HEMK2: variants seen among roughly 807,000 people sequenced by gnomAD.
HEMK2 encodes methyltransferase HEMK2.
the HEMK2 span, among the ~76,000 whole-genome samples, chr21:28,858,491 T>C: frequency 6.6e-6 from 1 of 151,818 alleles, no homozygotes; most frequent in African/African-American, 2.4e-5. Context: ...TGCTTATAGA[T>C]CACATTTTGA....
At chr21:28,661,595 G>A in the HEMK2 span, among the ~76,000 whole-genome samples, 1 of 151,866 alleles carries the variant, frequency 6.6e-6, no homozygotes, top group African/African-American at 2.4e-5. Flanking sequence ...CTTTTCTTGA[G>A]GAAGCTCATG....
the HEMK2 span, chr21:28,577,170 C>T: frequency 6.6e-6 from 1 of 152,212 alleles, no homozygotes. Flanking sequence ...GAAAATAAAG[C>T]TCACATATAT....
chr21:28,689,824 T>C, the HEMK2 span, among the ~76,000 whole-genome samples: 4 of 152,138 alleles, frequency 2.6e-5, no homozygotes, highest in Admixed American at 6.5e-5. Context: ...AGGAGAACTC[T>C]GAGAGATTCA....
the HEMK2 span, among the ~76,000 whole-genome samples, chr21:28,836,969 A>G: frequency 6.6e-6 from 1 of 152,226 alleles, no homozygotes; most frequent in African/African-American, 2.4e-5. Flanking sequence ...AAAATATCAC[A>G]ATCCTAAACC....
chr21:28,731,747 AAAGTAT>A, the HEMK2 span, among the ~76,000 whole-genome samples: 1 of 116,880 alleles, frequency 8.6e-6, no homozygotes, highest in Non-Finnish European at 1.6e-5. Context: ...CCTAAAACTT[AAAGTAT>A]AATAATAAAA....
At chr21:28,764,497 C>A in the HEMK2 span, among the ~76,000 whole-genome samples, 1 of 152,058 alleles carries the variant, frequency 6.6e-6, no homozygotes, top group South Asian at 2.1e-4. Flanking sequence ...TACAATGAAA[C>A]CTGTTTTACT....
At chr21:28,613,350 T>A in the HEMK2 span, among the ~76,000 whole-genome samples, 1 of 152,140 alleles carries the variant, frequency 6.6e-6, no homozygotes, top group African/African-American at 2.4e-5. Context: ...CCCTCCATAA[T>A]GTAACTGTGA....
the HEMK2 span, among the ~76,000 whole-genome samples, chr21:28,814,396 C>G: frequency 6.6e-6 from 1 of 151,642 alleles, no homozygotes; most frequent in Non-Finnish European, 1.5e-5. Context: ...TCTAATTAAA[C>G]TAAAGAGCTT....
the HEMK2 span, among the ~76,000 whole-genome samples, chr21:28,883,796 T>G: frequency 0.13 from 19,523 of 152,208 alleles, 1,371 homozygotes; most frequent in South Asian, 0.18. Context: ...CACAGCTCAC[T>G]GCTGCCTTTA....
the HEMK2 span, among the ~76,000 whole-genome samples, chr21:28,666,018 T>C: frequency 1.3e-5 from 2 of 152,262 alleles, no homozygotes; most frequent in Non-Finnish European, 2.9e-5. Flanking sequence ...CATTTTCTAA[T>C]ATTATTAATA....
the HEMK2 span, among the ~76,000 whole-genome samples, chr21:28,809,889 G>T: frequency 6.6e-6 from 1 of 152,182 alleles, no homozygotes; most frequent in Middle Eastern, 3.2e-3. Flanking sequence ...TTCAAGGAAT[G>T]AGTAGCAGTT....
the HEMK2 span, among the ~76,000 whole-genome samples, chr21:28,882,793 C>T: frequency 6.6e-6 from 1 of 152,164 alleles, no homozygotes; most frequent in East Asian, 1.9e-4. Context: ...TAAAATTATG[C>T]TGCTTCTACA....
At chr21:28,604,582 T>G in the HEMK2 span, among the ~76,000 whole-genome samples, 1 of 151,980 alleles carries the variant, frequency 6.6e-6, no homozygotes, top group Non-Finnish European at 1.5e-5. Flanking sequence ...TTATTCCACA[T>G]TGACCAGTAA....
At chr21:28,635,540 T>C in the HEMK2 span, among the ~76,000 whole-genome samples, 1 of 152,228 alleles carries the variant, frequency 6.6e-6, no homozygotes, top group African/African-American at 2.4e-5. Flanking sequence ...ATATACAAAC[T>C]ATAGAATATA....
At chr21:28,682,544 A>G in the HEMK2 span, among the ~76,000 whole-genome samples, 4 of 152,082 alleles carry the variant, frequency 2.6e-5, no homozygotes, top group Non-Finnish European at 1.5e-5. Context: ...CAGCCATCCC[A>G]TTACTGGGTA....
At chr21:28,722,625 T>C in the HEMK2 span, among the ~76,000 whole-genome samples, 7 of 152,206 alleles carry the variant, frequency 4.6e-5, no homozygotes, top group African/African-American at 1.7e-4. Flanking sequence ...CTCACGCCTG[T>C]AATCCCAGCA....
chr21:28,686,295 C>T, the HEMK2 span, among the ~76,000 whole-genome samples: 4 of 152,104 alleles, frequency 2.6e-5, no homozygotes, highest in Non-Finnish European at 5.9e-5. Context: ...AGTGCAATGG[C>T]GCAATCTCAG....
At chr21:28,677,373 C>T in the HEMK2 span, among the ~76,000 whole-genome samples, 2 of 152,276 alleles carry the variant, frequency 1.3e-5, no homozygotes, top group African/African-American at 4.8e-5. Flanking sequence ...ATTGCCGAGG[C>T]TTGAGTAGGT....
the HEMK2 span, among the ~76,000 whole-genome samples, chr21:28,863,715 C>T: frequency 6.6e-6 from 1 of 152,006 alleles, no homozygotes; most frequent in Non-Finnish European, 1.5e-5. Context: ...CAAGGAGAGA[C>T]TGTCTGTCAT....
Sources: gnomAD v4.1 joint callset for allele counts (sites outside exome capture counted in the v4.1 genomes callset) on GRCh38, gnomAD v4.1.1 for gene constraint, MANE v1.5 for transcripts, NCBI Gene and HGNC (gene_info 2026-07-23, HGNC 2026-07-21) for gene names.